Variants in CHD3 observed in about 807,000 individuals in gnomAD.
The protein encoded by CHD3 is ATP-dependent chromatin remodeler CHD3.
In CHD3, 52 loss-of-function variants were observed where a neutral mutation model predicts 248.9. The observed-to-expected ratio is 0.21, with a 90% CI of 0.17 to 0.26. CHD3 has a LOEUF of 0.26. CHD3 is among the 10% of genes least tolerant of loss of function. CHD3 has a pLI of 1.00. For missense variants in CHD3, 1,482 were observed against 2,605.8 expected, an observed-to-expected ratio of 0.57 and a Z score of 9.39; for synonymous variants, 985 against 985.2, an observed-to-expected ratio of 1.00 and a Z score of 0.00.
Position 7,889,903 on chromosome 17 carries a change from C to A in CHD3, c.213+127C>A. The stretch of plus-strand genomic sequence containing the variant: ...CTGAAGCCAGGGAGGCTTGATCCCC[C>A]GGGCCCCCCACTTCCCTGCCACTGT... On this transcript the variant is annotated intron_variant, in intron 2 of 39. Transcript: ENST00000330494. The surrounding 1 kb of genome is among the most constrained non-coding windows in gnomAD (Gnocchi z 4.5). 1.1e-6 allele frequency: 1 copy of A among 876,280 alleles called. No homozygotes were observed. Among genetic ancestry groups the A allele is most frequent in the Non-Finnish European group, 1.8e-6 (1 of 567,508 alleles). 54.3% of individuals were successfully genotyped at this position (876,280 alleles called of 1,614,324 possible).
chr17:7,891,146 C>G (rs1307230202), intron 4 of CHD3, 82 bp downstream of exon 4: 11 of 1,492,546 alleles, frequency 7.4e-6, no homozygotes, highest in Non-Finnish European at 9.2e-6. Context: ...CTGATGAAAG[C>G]TATGAAACTG....
chr17:7,910,759 G>A lies in CHD3; in HGVS notation c.5755-88G>A. ...TGTGTATCCTACCCTTAGCAGTTGTGGAGTGTGGCTCATAATGTCTCTCCT... is the reference window on the plus strand; with the variant it reads ...TGTGTATCCTACCCTTAGCAGTTGTAGAGTGTGGCTCATAATGTCTCTCCT... On this transcript the variant is annotated intron_variant, in intron 38 of 39. Transcript: ENST00000330494. This position sits in a 1 kb window ranked among gnomAD's most constrained non-coding sequence, Gnocchi z 4.7. The A allele has an allele frequency of 1.3e-6, 2 of 1,533,998 alleles. No individual in the cohort carries two copies. The highest frequency in any genetic ancestry group is 1.8e-6 in the Non-Finnish European group (2 of 1,138,412).
intron 3 of CHD3, 33 bp downstream of exon 3, chr17:7,890,774 C>T (rs1388866451): frequency 6.3e-7 from 1 of 1,585,918 alleles, no homozygotes; most frequent in Non-Finnish European, 8.6e-7. Context: ...AGTGAGAAAT[C>T]TGCATTAAAG....
chr17:7,906,205 C>CAGGGG lies in CHD3; in HGVS notation c.4358+222_4358+226dup. ...GAGTAGAGGGGCCAGGCATCCTCCCCAGGGGAGGGGCGTTGAAGCAAGGAG... is the reference window on the plus strand; with the variant it reads ...GAGTAGAGGGGCCAGGCATCCTCCCCAGGGGAGGGGAGGGGCGTTGAAGCAAGGAG... On this transcript the variant is annotated intron_variant, in intron 28 of 39. Transcript: ENST00000330494. The surrounding 1 kb of genome is among the most constrained non-coding windows in gnomAD (Gnocchi z 5.0). 1.2e-6 allele frequency: 1 copy of CAGGGG among 816,072 alleles called. No individual in the cohort carries two copies. Among genetic ancestry groups the CAGGGG allele is most frequent in the East Asian group, 2.4e-5 (1 of 40,888 alleles). The allele number at this position is 816,072 out of a possible 1,614,324, so 50.6% of individuals were successfully genotyped here. A position where few individuals can be genotyped will look rare whatever the true frequency, so the allele number is the denominator to read the frequency against.
chr17:7,907,675 G>C lies in CHD3; in HGVS notation c.4999G>C (p.Gly1667Arg). The change falls in exon 33 of 40, where the codon GGG (glycine) becomes CGG (arginine). Residue 1667 changes from glycine to arginine, a missense_variant. Transcript: ENST00000330494. The surrounding 1 kb of genome is among the most constrained non-coding windows in gnomAD (Gnocchi z 4.3). ...DGQEHRERPEGETGDLGKRED... is the reference protein window; with the variant it reads ...DGQEHRERPERETGDLGKRED... The stretch of plus-strand genomic sequence containing the variant: ...ACAGGAACACAGGGAGAGGCCGGAG[G>C]GGGAAACAGGGGATTTGGGCAAGAG... The C allele has an allele frequency of 6.5e-7, 1 of 1,535,402 alleles. No individual in the cohort carries two copies. The highest frequency in any genetic ancestry group is 1.4e-5 in the African/African-American group (1 of 71,836).
At position 7,903,806 on chromosome 17, in the gene CHD3, T is replaced by C; in HGVS notation, c.3728-19T>C. Reference sequence around the variant, plus strand: ...AAACTTTGGAACCCAAAGTTCCCGTTTGTTTTCCCTCTCACCAGGGGAGAA... The same window carrying C: ...AAACTTTGGAACCCAAAGTTCCCGTCTGTTTTCCCTCTCACCAGGGGAGAA... On this transcript the variant is annotated intron_variant, in intron 23 of 39. Transcript: ENST00000330494. This position sits in a 1 kb window ranked among gnomAD's most constrained non-coding sequence, Gnocchi z 6.8. 1 of 1,611,344 alleles carries C rather than the reference T, an allele frequency of 6.2e-7. No homozygotes were observed. The highest frequency in any genetic ancestry group is 8.5e-7 in the Non-Finnish European group (1 of 1,177,766).
In CHD3 at chr17:7,906,768, C is replaced by T. The variant is rs968835871; in HGVS notation, c.4503+71C>T. The T allele has an allele frequency of 3.8e-6, 6 of 1,586,018 alleles. No homozygotes were observed. The highest frequency in any genetic ancestry group is 3.5e-5 in the Admixed American group (2 of 57,428). On this transcript the variant is annotated intron_variant, in intron 29 of 39. Transcript: ENST00000330494. The surrounding 1 kb of genome is among the most constrained non-coding windows in gnomAD (Gnocchi z 5.0). ...CTCTGTCCTTCCTCTGCCTCTGTCC[C>T]TGAGTTGTAAGCTTGCGCTGGTGTG...
chr17:7,894,903 C>G lies in CHD3; in HGVS notation c.1270-14C>G, dbSNP rs369429931. The G allele has an allele frequency of 4.1e-5, 66 of 1,612,108 alleles. No individual in the cohort carries two copies. The African/African-American group carries it at 8.4e-4, about 21-fold the overall frequency. The stretch of plus-strand genomic sequence containing the variant: ...TTCTTCCATCTGTCTGTGTGTCTAT[C>G]CTTGGCCCCCTAGGAGAAGGAGGGG... On this transcript the variant is annotated splice_polypyrimidine_tract_variant and intron_variant, in intron 8 of 39. Coordinates refer to ENST00000330494, the MANE Select transcript of CHD3 (RefSeq NM_001005273.3).
chr17:7,911,410 T>C lies in CHD3; in HGVS notation c.5882-54T>C. On this transcript the variant is annotated intron_variant, in intron 39 of 39. Coordinates refer to ENST00000330494, the MANE Select transcript of CHD3 (RefSeq NM_001005273.3). This position sits in a 1 kb window ranked among gnomAD's most constrained non-coding sequence, Gnocchi z 5.4. ...GTGAGAATTCACCATTGTCATGAAGTGACGTTTGAGAGTGATCTGGAGATT... is the reference window on the plus strand; with the variant it reads ...GTGAGAATTCACCATTGTCATGAAGCGACGTTTGAGAGTGATCTGGAGATT... The C allele has an allele frequency of 6.2e-7, 1 of 1,613,314 alleles. No homozygotes were observed. Among genetic ancestry groups the C allele is most frequent in the South Asian group, 1.1e-5 (1 of 90,994 alleles).
Position 7,906,483 on chromosome 17 carries a change from G to A in CHD3, c.4359-70G>A, listed in dbSNP as rs1055268392. 62 of 1,547,736 alleles carry A rather than the reference G, an allele frequency of 4.0e-5. No individual in the cohort carries two copies. Among genetic ancestry groups the A allele is most frequent in the Middle Eastern group, 2.3e-4 (1 of 4,362 alleles). ...GGTTTGGGGGTCCTCAGTCATCCTC[G>A]CGCCTCCCTCACTGCCCTATACCCC... On this transcript the variant is annotated intron_variant, in intron 28 of 39. Transcript: ENST00000330494. The surrounding 1 kb of genome is among the most constrained non-coding windows in gnomAD (Gnocchi z 5.0).
upstream of CHD3, among the ~76,000 whole-genome samples, chr17:7,888,512 C>T (rs1183839019): frequency 2.6e-5 from 4 of 152,138 alleles, no homozygotes; most frequent in Non-Finnish European, 4.4e-5. Context: ...GCCCCAGGGC[C>T]CCAGGTCTGT....
Position 7,905,360 on chromosome 17 carries a change from G to A in CHD3, c.4138+195G>A. Reference sequence around the variant, plus strand: ...TCGGTGTGTGTGACCACATAGGCTAGATCCAGAAAGGCCATATCATTTTCC... The same window carrying A: ...TCGGTGTGTGTGACCACATAGGCTAAATCCAGAAAGGCCATATCATTTTCC... On this transcript the variant is annotated intron_variant, in intron 26 of 39. Transcript: ENST00000330494. The surrounding 1 kb of genome is among the most constrained non-coding windows in gnomAD (Gnocchi z 5.8). The A allele has an allele frequency of 1.6e-6, 1 of 628,148 alleles. No individual in the cohort carries two copies. Among genetic ancestry groups the A allele is most frequent in the Non-Finnish European group, 2.9e-6 (1 of 350,118 alleles). 38.9% of individuals were successfully genotyped at this position (628,148 alleles called of 1,614,324 possible).
chr17:7,885,221 C>A (rs1967614288), upstream of CHD3: 1 of 838,568 alleles, frequency 1.2e-6, no homozygotes, highest in African/African-American at 1.9e-5. Flanking sequence ...GGCCCGTGGC[C>A]CCGCGGCGGT....
chr17:7,907,406 G>C lies in CHD3; in HGVS notation c.4842G>C (p.Lys1614Asn). The C allele has an allele frequency of 6.2e-7, 1 of 1,611,092 alleles. No homozygotes were observed. Among genetic ancestry groups the C allele is most frequent in the South Asian group, 1.1e-5 (1 of 90,528 alleles). The change falls in exon 32 of 40, where the codon AAG becomes AAC. Residue 1614 changes from lysine to asparagine, a missense_variant. By Grantham distance (94) the Lys-to-Asn change is moderately conservative. Transcript: ENST00000330494. The surrounding 1 kb of genome is among the most constrained non-coding windows in gnomAD (Gnocchi z 4.3). ...TTGGGGAGCGGCTGGAGCCAAGGAA[G>C]ATTCCTCTAGAGGATGAGGTGCCAG... ...PSLGERLEPR[K>N]IPLEDEVPGV...
At position 7,899,375 on chromosome 17, in the gene CHD3, C is replaced by A. The variant is rs775326102; in HGVS notation, c.2376C>A (p.Ala792=). ...CAAAAGGTCCCTTCCTGGTGAGTGC[C>A]CCACTCTCTACCATCATTAACTGGG... is the stretch of plus-strand genomic sequence containing the variant. ...GHTKGPFLVS[A]PLSTIINWER... is the part of the protein sequence containing the mutation. The change falls in exon 15 of 40, where the codon GCC becomes GCA. Residue 792 remains alanine, a synonymous_variant. Transcript: ENST00000330494. The surrounding 1 kb of genome is among the most constrained non-coding windows in gnomAD (Gnocchi z 6.8). 6.2e-7 allele frequency: 1 copy of A among 1,614,096 alleles called. No homozygotes were observed. The highest frequency in any genetic ancestry group is 8.5e-7 in the Non-Finnish European group (1 of 1,180,020).
chr17:7,897,035 C>A lies in CHD3; in HGVS notation c.1708-48C>A. On this transcript the variant is annotated intron_variant, in intron 10 of 39. Transcript: ENST00000330494. This position sits in a 1 kb window ranked among gnomAD's most constrained non-coding sequence, Gnocchi z 4.8. Reference sequence around the variant, plus strand: ...CCTCTTCCCGGTTCCTTGTTGTCCTCTGTGAGTGTCAGGACTATCTCTTTC... The same window carrying A: ...CCTCTTCCCGGTTCCTTGTTGTCCTATGTGAGTGTCAGGACTATCTCTTTC... 6.6e-7 allele frequency: 1 copy of A among 1,511,002 alleles called. No individual in the cohort carries two copies. Among genetic ancestry groups the A allele is most frequent in the Non-Finnish European group, 9.2e-7 (1 of 1,086,868 alleles). The allele number at this position is 1,511,002 out of a possible 1,614,324, so 93.6% of individuals were successfully genotyped here.
Position 7,909,594 on chromosome 17 carries a change from C to T in CHD3, c.5590+256C>T, listed in dbSNP as rs1971403943. On this transcript the variant is annotated intron_variant, in intron 37 of 39. Coordinates refer to ENST00000330494, the MANE Select transcript of CHD3 (RefSeq NM_001005273.3). The surrounding 1 kb of genome is among the most constrained non-coding windows in gnomAD (Gnocchi z 8.1). ...GAGGGACCTGCCCCAGCCTCTGTGT[C>T]CCCTCCACACAGTGGGGCCTCTTCA... The T allele has an allele frequency of 3.7e-6, 2 of 540,824 alleles. No individual in the cohort carries two copies. Among genetic ancestry groups the T allele is most frequent in the Admixed American group, 3.5e-5 (1 of 28,728 alleles). 33.5% of individuals were successfully genotyped at this position (540,824 alleles called of 1,614,324 possible).
Position 7,900,154 on chromosome 17 carries a change from G to T in CHD3, c.2682+121G>T. ...GTCTGGGAGGACGTCCAGGTTGGAAGAGGGAGAGGGCCAGAGATTTGGGGC... is the reference window on the plus strand; with the variant it reads ...GTCTGGGAGGACGTCCAGGTTGGAATAGGGAGAGGGCCAGAGATTTGGGGC... On this transcript the variant is annotated intron_variant, in intron 16 of 39. Coordinates refer to ENST00000330494, the MANE Select transcript of CHD3 (RefSeq NM_001005273.3). This position sits in a 1 kb window ranked among gnomAD's most constrained non-coding sequence, Gnocchi z 6.5. The T allele has an allele frequency of 6.5e-7, 1 of 1,527,514 alleles. No individual in the cohort carries two copies. Among genetic ancestry groups the T allele is most frequent in the Non-Finnish European group, 8.9e-7 (1 of 1,127,720 alleles). 94.6% of individuals were successfully genotyped at this position (1,527,514 alleles called of 1,614,324 possible). A position where few individuals can be genotyped will look rare whatever the true frequency, so the allele number is the denominator to read the frequency against.
At position 7,895,504 on chromosome 17, in the gene CHD3, C is replaced by T; in HGVS notation, c.1669C>T (p.Leu557=). ...EREFFVKWVG[L]SYWHCSWAKE... Reference sequence around the variant, plus strand: ...AGAGTTCTTTGTCAAGTGGGTAGGACTATCCTACTGGCACTGCTCCTGGGC... The same window carrying T: ...AGAGTTCTTTGTCAAGTGGGTAGGATTATCCTACTGGCACTGCTCCTGGGC... Residue 557 remains leucine, a synonymous_variant, in exon 10 of 40, where the codon CTA becomes TTA. Transcript: ENST00000330494. This position sits in a 1 kb window ranked among gnomAD's most constrained non-coding sequence, Gnocchi z 4.9. 8.1e-6 allele frequency: 13 copies of T among 1,614,128 alleles called. No homozygotes were observed. Among genetic ancestry groups the T allele is most frequent in the Non-Finnish European group, 1.1e-5 (13 of 1,180,040 alleles).
Sources: gnomAD v4.1 joint callset for allele counts (sites outside exome capture counted in the v4.1 genomes callset) on GRCh38, gnomAD v4.1.1 for gene constraint, Gnocchi (gnomAD v3.1) non-coding constraint, MANE v1.5 for transcripts, NCBI Gene and HGNC (gene_info 2026-07-23, HGNC 2026-07-21) for gene names.